KIRREL3: variants seen among roughly 807,000 people sequenced by gnomAD.
KIRREL3 encodes kirre like nephrin family adhesion molecule 3, also known as kin of IRRE-like protein 3.
A neutral mutation model predicts 89.7 loss-of-function variants in KIRREL3; 36 were observed. The observed-to-expected ratio is 0.40, with a 90% CI of 0.31 to 0.53. KIRREL3 has a LOEUF of 0.53. KIRREL3 is among the 20% of genes least tolerant of loss of function. The pLI is 0.49. For synonymous variants in KIRREL3, 445 were observed against 441.4 expected, an observed-to-expected ratio of 1.01 and a Z score of -0.10; for missense variants, 864 against 1,056.6, an observed-to-expected ratio of 0.82 and a Z score of 2.53.
rs755322463 is a variant in KIRREL3, at chr11:126,768,278, T to TCATCCATCCATCCATCCATC, written c.56-205386_56-205367dup. On this transcript the variant is annotated intron_variant, in intron 1 of 16. Coordinates refer to ENST00000525144, the MANE Select transcript of KIRREL3 (RefSeq NM_032531.4). The surrounding 1 kb of genome is among the most constrained non-coding windows in gnomAD (Gnocchi z 4.5). ...TGCATCCACCCATCCATCCATCCAT[T>TCATCCATCCATCCATCCATC]CATCCATCCATCCATCCATCCATCC... Among the ~76,000 whole-genome samples the TCATCCATCCATCCATCCATC allele has an allele frequency of 1.5e-5, 2 of 135,648 alleles. No homozygotes were observed. The highest frequency in any genetic ancestry group is 2.6e-4 in the South Asian group (1 of 3,894). The allele number at this position is 135,648 out of a possible 152,430, so 89.0% of individuals were successfully genotyped here. A position where few individuals can be genotyped will look rare whatever the true frequency, so the allele number is the denominator to read the frequency against.
At chr11:126,435,334 C>G in intron 12 of KIRREL3, 31 bp from the exon 13 acceptor site, 1 of 1,613,138 alleles carries the variant, frequency 6.2e-7, no homozygotes, top group Non-Finnish European at 8.5e-7. Flanking sequence ...CGTCTACAGC[C>G]AGGGCCTGGC....
At chr11:126,637,357 A>G (rs1944306394) in intron 1 of KIRREL3, among the ~76,000 whole-genome samples, 1 of 152,018 alleles carries the variant, frequency 6.6e-6, no homozygotes, top group African/African-American at 2.4e-5. Context: ...TCCAAATGCT[A>G]TTACCGACAC....
rs1949416727 is a variant in KIRREL3, at chr11:126,754,003, C to T, written c.56-191091G>A. 6.6e-6 allele frequency among the ~76,000 whole-genome samples: 1 copy of T among 152,190 alleles called. No individual in the cohort carries two copies. The highest frequency in any genetic ancestry group is 2.4e-5 in the African/African-American group (1 of 41,444). On this transcript the variant is annotated intron_variant, in intron 1 of 16. Coordinates refer to ENST00000525144, the MANE Select transcript of KIRREL3 (RefSeq NM_032531.4). The surrounding 1 kb of genome is among the most constrained non-coding windows in gnomAD (Gnocchi z 5.1). The stretch of plus-strand genomic sequence containing the variant: ...ACTGGGAAATGAGGGGAATAGCCTA[C>T]TTTGTCACTATTTATCATTCTTAGT...
In KIRREL3 at chr11:126,660,396, T is replaced by C. The variant is rs180976685; in HGVS notation, c.56-97484A>G. ...GATACTGCTGAGACGTAGGCACATG[T>C]TCACACTGACGTGCATTGCATCATT... On this transcript the variant is annotated intron_variant, in intron 1 of 16. Coordinates refer to ENST00000525144, the MANE Select transcript of KIRREL3 (RefSeq NM_032531.4). Among the ~76,000 whole-genome samples the C allele has an allele frequency of 2.6e-5, 4 of 152,366 alleles. No homozygotes were observed. In the East Asian group the frequency reaches 7.7e-4, roughly 29 times the overall value.
chr11:126,726,191 T>G (rs1316466792), intron 1 of KIRREL3, among the ~76,000 whole-genome samples: 1 of 152,186 alleles, frequency 6.6e-6, no homozygotes, highest in Admixed American at 6.5e-5. Flanking sequence ...ATATGGACTT[T>G]CTTGTTTCTT....
rs1232717568 is a variant in KIRREL3, at chr11:126,879,890, CAGAA to C, written c.55+120561_55+120564del. Among the ~76,000 whole-genome samples, 1 of 152,132 alleles carries C rather than the reference CAGAA, an allele frequency of 6.6e-6. No individual in the cohort carries two copies. Among genetic ancestry groups the C allele is most frequent in the Non-Finnish European group, 1.5e-5 (1 of 68,022 alleles). On this transcript the variant is annotated intron_variant, in intron 1 of 16. Coordinates refer to ENST00000525144, the MANE Select transcript of KIRREL3 (RefSeq NM_032531.4). This position sits in a 1 kb window ranked among gnomAD's most constrained non-coding sequence, Gnocchi z 5.4. ...TTAGCCTGCTTTTGTGCTCCCATTT[CAGAA>C]CAGACCATTCCCCCACCACCCCGCC...
chr11:126,631,514 G>A lies in KIRREL3; in HGVS notation c.56-68602C>T, dbSNP rs561083492. On this transcript the variant is annotated intron_variant, in intron 1 of 16. Transcript: ENST00000525144. ...CTTCCATTAGCTCTGCTCAGGACAG[G>A]TGGGCCCCTGTGTGTTGGAAATTGA... Among the ~76,000 whole-genome samples, 3 of 152,288 alleles carry A rather than the reference G, an allele frequency of 2.0e-5. No homozygotes were observed. In the South Asian group the frequency reaches 6.2e-4, roughly 32 times the overall value.
At position 126,427,959 on chromosome 11, in the gene KIRREL3, A is replaced by G. The variant is rs1388444591; in HGVS notation, c.1806+1220T>C. On this transcript the variant is annotated intron_variant, in intron 15 of 16. Transcript: ENST00000525144. This position sits in a 1 kb window ranked among gnomAD's most constrained non-coding sequence, Gnocchi z 5.3. ...GTGGAATTGACAGGACCTGAAAATC[A>G]ATTGGAGAGAGAAAGCGTAGCCGAG... Among the ~76,000 whole-genome samples, 1 of 152,158 alleles carries G rather than the reference A, an allele frequency of 6.6e-6. No individual in the cohort carries two copies. The highest frequency in any genetic ancestry group is 1.5e-5 in the Non-Finnish European group (1 of 68,026).
chr11:126,977,298 C>T lies in KIRREL3; in HGVS notation c.55+23157G>A, dbSNP rs1399106817. 2.6e-5 allele frequency among the ~76,000 whole-genome samples: 4 copies of T among 152,162 alleles called. No homozygotes were observed. Among genetic ancestry groups the T allele is most frequent in the South Asian group, 4.2e-4 (2 of 4,802 alleles). ...TCAGGTTGGTTTCTTCGGATGCTGC[C>T]GCCCTTTCCTTCTTCATCAGGATCA... On this transcript the variant is annotated intron_variant, in intron 1 of 16. Coordinates refer to ENST00000525144, the MANE Select transcript of KIRREL3 (RefSeq NM_032531.4). This position sits in a 1 kb window ranked among gnomAD's most constrained non-coding sequence, Gnocchi z 4.7.
In KIRREL3 at chr11:126,561,295, C is replaced by T. The variant is rs1940100361; in HGVS notation, c.133+1540G>A. ...TAGTTGAGATTTCTAACTCATCACA[C>T]ATGTTGGCTCAGCTTGCATCCCATC... On this transcript the variant is annotated intron_variant, in intron 2 of 16. Coordinates refer to ENST00000525144, the MANE Select transcript of KIRREL3 (RefSeq NM_032531.4). This position sits in a 1 kb window ranked among gnomAD's most constrained non-coding sequence, Gnocchi z 4.5. Among the ~76,000 whole-genome samples, 1 of 152,220 alleles carries T rather than the reference C, an allele frequency of 6.6e-6. No individual in the cohort carries two copies. The highest frequency in any genetic ancestry group is 1.5e-5 in the Non-Finnish European group (1 of 68,044).
intron 1 of KIRREL3, among the ~76,000 whole-genome samples, chr11:126,869,367 C>T (rs1252668505): frequency 1.3e-5 from 2 of 152,090 alleles, no homozygotes; most frequent in Non-Finnish European, 2.9e-5. Flanking sequence ...ACCGTTGCTG[C>T]CTACCTTCAC....
intron 4 of KIRREL3, among the ~76,000 whole-genome samples, chr11:126,505,963 T>C (rs1958002441): frequency 6.6e-6 from 1 of 152,194 alleles, no homozygotes; most frequent in Non-Finnish European, 1.5e-5. Flanking sequence ...GTCCTAAAAT[T>C]CATATGAAAA....
intron 1 of KIRREL3, among the ~76,000 whole-genome samples, chr11:126,732,583 CAG>C (rs1378291232): frequency 2.6e-5 from 4 of 152,218 alleles, no homozygotes; most frequent in African/African-American, 9.7e-5. Flanking sequence ...TAGTCAGCTG[CAG>C]AGAGACAGTG....
At chr11:126,878,369 T>C (rs1295412609) in intron 1 of KIRREL3, among the ~76,000 whole-genome samples, 1 of 152,158 alleles carries the variant, frequency 6.6e-6, no homozygotes, top group Non-Finnish European at 1.5e-5. Flanking sequence ...CTGTTGCATT[T>C]CTAAGCAAGA....
rs543268274 is a variant in KIRREL3, at chr11:126,784,456, G to T, written c.55+215999C>A. On this transcript the variant is annotated intron_variant, in intron 1 of 16. Coordinates refer to ENST00000525144, the MANE Select transcript of KIRREL3 (RefSeq NM_032531.4). ...AATAAGTGAACATAGCCTCATGTTAGGGTACATGACTTGGTTAGAGGCTAG... is the reference window on the plus strand; with the variant it reads ...AATAAGTGAACATAGCCTCATGTTATGGTACATGACTTGGTTAGAGGCTAG... 1.1e-4 allele frequency among the ~76,000 whole-genome samples: 17 copies of T among 152,344 alleles called. No homozygotes were observed. In the South Asian group the frequency reaches 3.5e-3, roughly 32 times the overall value.
chr11:126,999,474 G>T lies in KIRREL3; in HGVS notation c.55+981C>A, dbSNP rs1950262929. ...CTTCATTTAATCAACAGATGGACGT[G>T]CTCTGTTGTGGATTTTTTCTGAGTC... On this transcript the variant is annotated intron_variant, in intron 1 of 16. Transcript: ENST00000525144. The surrounding 1 kb of genome is among the most constrained non-coding windows in gnomAD (Gnocchi z 5.7). Among the ~76,000 whole-genome samples the T allele has an allele frequency of 2.6e-5, 4 of 152,212 alleles. No individual in the cohort carries two copies. The highest frequency in any genetic ancestry group is 9.7e-5 in the African/African-American group (4 of 41,440).
Position 126,555,367 on chromosome 11 carries a change from T to C in KIRREL3, c.133+7468A>G, listed in dbSNP as rs900376562. On this transcript the variant is annotated intron_variant, in intron 2 of 16. Transcript: ENST00000525144. This position sits in a 1 kb window ranked among gnomAD's most constrained non-coding sequence, Gnocchi z 4.2. Reference sequence around the variant, plus strand: ...ATCTCATTAGTAAATAATTGCAATATGAATGTATATGTACAAACTGAACTC... The same window carrying C: ...ATCTCATTAGTAAATAATTGCAATACGAATGTATATGTACAAACTGAACTC... 3.0e-4 allele frequency among the ~76,000 whole-genome samples: 46 copies of C among 152,156 alleles called. 1 individual carries two copies. Among genetic ancestry groups the C allele is most frequent in the African/African-American group, 9.7e-4 (40 of 41,424 alleles).
At chr11:126,887,118 G>A (rs1467275288) in intron 1 of KIRREL3, among the ~76,000 whole-genome samples, 1 of 152,032 alleles carries the variant, frequency 6.6e-6, no homozygotes, top group Non-Finnish European at 1.5e-5. Context: ...GTGCATGAAG[G>A]GACCCACATG....
intron 1 of KIRREL3, among the ~76,000 whole-genome samples, chr11:126,659,490 G>A (rs891085429): frequency 4.6e-5 from 7 of 152,218 alleles, no homozygotes; most frequent in Non-Finnish European, 8.8e-5. Context: ...TGGTCCAAGT[G>A]TCTAGTTACT....
Sources: allele counts gnomAD v4.1 joint callset (sites outside exome capture counted in the v4.1 genomes callset), GRCh38; gene constraint gnomAD v4.1.1; non-coding constraint Gnocchi (gnomAD v3.1); transcripts MANE v1.5; gene names NCBI Gene and HGNC (gene_info 2026-07-23, HGNC 2026-07-21).